Variants in COL14A1 observed in about 807,000 individuals in gnomAD.
The protein encoded by COL14A1 is collagen type XIV alpha 1 chain, also known as collagen alpha-1(XIV) chain.
A neutral mutation model predicts 230.3 loss-of-function variants in COL14A1; 136 were observed. The observed-to-expected ratio is 0.59, with a 90% CI of 0.51 to 0.68. The LOEUF (loss-of-function observed/expected upper bound fraction) is 0.68, where lower values mean the gene tolerates loss of function less well. Ranked by LOEUF, COL14A1 falls within the 30% of genes least tolerant of loss-of-function variation. COL14A1 has a pLI of 0.00. For missense variants in COL14A1, 1,976 were observed against 2,215.8 expected, an observed-to-expected ratio of 0.89 and a Z score of 2.17; for synonymous variants, 792 against 784.1, an observed-to-expected ratio of 1.01 and a Z score of -0.17.
intron 34 of COL14A1, among the ~76,000 whole-genome samples, chr8:120,291,119 A>G (rs1820361777): frequency 6.6e-6 from 1 of 152,172 alleles, no homozygotes; most frequent in Admixed American, 6.5e-5. Context: ...TAAAAAGCAC[A>G]CCATCTTCTG....
chr8:120,198,588 G>A (rs757354009), intron 7 of COL14A1, among the ~76,000 whole-genome samples: 22 of 152,088 alleles, frequency 1.4e-4, no homozygotes, highest in Non-Finnish European at 2.4e-4. Context: ...GCTCATTGAA[G>A]CATTTCAGGT....
chr8:120,227,180 TCAAATAAG>T, intron 16 of COL14A1, 32 bp from the exon 17 acceptor site: 3 of 1,600,618 alleles, frequency 1.9e-6, no homozygotes, highest in Admixed American at 3.5e-5. Context: ...TACTTTTTTT[TCAAATAAG>T]CATAGTTACT....
At chr8:120,160,076 A>G (rs1267515190) in intron 3 of COL14A1, among the ~76,000 whole-genome samples, 2 of 152,130 alleles carry the variant, frequency 1.3e-5, no homozygotes, top group Non-Finnish European at 2.9e-5. Flanking sequence ...CACTTTTCCC[A>G]TGGTGGCGTA....
At chr8:120,370,324 A>G (rs1202489485) in intron 47 of COL14A1, 2 of 1,610,806 alleles carry the variant, frequency 1.2e-6, no homozygotes, top group Non-Finnish European at 1.7e-6. Flanking sequence ...AAATACTCCT[A>G]TCCTTATTAA....
chr8:120,157,358 G>A (rs562994037), intron 2 of COL14A1, among the ~76,000 whole-genome samples: 21 of 152,056 alleles, frequency 1.4e-4, no homozygotes, highest in African/African-American at 2.7e-4. Flanking sequence ...TAATATATCC[G>A]TAATAGCCCT....
intron 21 of COL14A1, among the ~76,000 whole-genome samples, chr8:120,248,330 C>G (rs1360384350): frequency 1.3e-5 from 2 of 152,018 alleles, no homozygotes; most frequent in Admixed American, 1.3e-4. Flanking sequence ...GAAAATGATA[C>G]AAGTAGAAAG....
chr8:120,185,816 AGGCT>A (rs1816633760), intron 5 of COL14A1, among the ~76,000 whole-genome samples: 1 of 152,052 alleles, frequency 6.6e-6, no homozygotes, highest in Non-Finnish European at 1.5e-5. Flanking sequence ...CTTGTTGCCC[AGGCT>A]GCAGTGCAAT....
At chr8:120,295,226 A>G (rs1820488178) in intron 34 of COL14A1, among the ~76,000 whole-genome samples, 1 of 151,926 alleles carries the variant, frequency 6.6e-6, no homozygotes, top group Non-Finnish European at 1.5e-5. Flanking sequence ...ATGTCCCAAG[A>G]CAAAATGGCA....
In COL14A1 at chr8:120,207,011, A is replaced by T; in HGVS notation, c.1108A>T (p.Met370Leu). Residue 370 changes from methionine to leucine, a missense_variant, in exon 10 of 48, where the codon ATG becomes TTG. Met to Leu is a conservative substitution (Grantham distance 15, BLOSUM62 2). Coordinates refer to ENST00000297848, the MANE Select transcript of COL14A1 (RefSeq NM_021110.4). ...ITSEVTARSF[M>L]VNWTHAPGNV... ...TTCTGAAGTCACTGCCAGAAGCTTT[A>T]TGGTTAACTGGACTCATGCCCCAGG... 1 of 1,613,906 alleles carries T rather than the reference A, an allele frequency of 6.2e-7. No homozygotes were observed. Among genetic ancestry groups the T allele is most frequent in the Non-Finnish European group, 8.5e-7 (1 of 1,179,904 alleles).
chr8:120,291,766 C>T (rs1426841385), intron 34 of COL14A1, among the ~76,000 whole-genome samples: 1 of 152,048 alleles, frequency 6.6e-6, no homozygotes, highest in Non-Finnish European at 1.5e-5. Flanking sequence ...CATTCTCCAT[C>T]CTCCATCCCA....
intron 14 of COL14A1, among the ~76,000 whole-genome samples, chr8:120,223,539 G>T (rs907958226): frequency 1.3e-5 from 2 of 152,028 alleles, no homozygotes; most frequent in Non-Finnish European, 2.9e-5. Context: ...ATCTGGTGGC[G>T]CATGCCTGTA....
At chr8:120,231,166 T>C (rs758136417) in intron 18 of COL14A1, among the ~76,000 whole-genome samples, 1 of 152,210 alleles carries the variant, frequency 6.6e-6, no homozygotes, top group Non-Finnish European at 1.5e-5. Context: ...TTCCATGGGC[T>C]GTTTTTCTAG....
At chr8:120,207,184 A>T in intron 10 of COL14A1, 90 bp downstream of exon 10, 1 of 1,116,132 alleles carries the variant, frequency 9.0e-7, no homozygotes. Context: ...TAAATATAAG[A>T]TTATTCCGTC....
intron 1 of COL14A1, among the ~76,000 whole-genome samples, chr8:120,130,883 C>A (rs1468751541): frequency 2.6e-5 from 4 of 151,900 alleles, no homozygotes; most frequent in African/African-American, 9.7e-5. Flanking sequence ...TTTTCCTTCC[C>A]TCGCTATTAG....
chr8:120,165,378 TG>T (rs1053033687), intron 4 of COL14A1, among the ~76,000 whole-genome samples: 2 of 152,202 alleles, frequency 1.3e-5, no homozygotes. Flanking sequence ...TAAGAAATGA[TG>T]TTTGAATTTT....
Position 120,182,086 on chromosome 8 carries a change from G to A in COL14A1, c.436+13839G>A, listed in dbSNP as rs1326276616. ...TGATAAGATAGTTTTGAATAATTCTGACACTTTTCCTCTGGCCTCCAGCAA... is the reference window on the plus strand; with the variant it reads ...TGATAAGATAGTTTTGAATAATTCTAACACTTTTCCTCTGGCCTCCAGCAA... On this transcript the variant is annotated intron_variant, in intron 5 of 47. Coordinates refer to ENST00000297848, the MANE Select transcript of COL14A1 (RefSeq NM_021110.4). Among the ~76,000 whole-genome samples the A allele has an allele frequency of 2.0e-5, 3 of 152,106 alleles. No homozygotes were observed. In the East Asian group the frequency reaches 5.8e-4, roughly 29 times the overall value.
rs1156568233 is a variant in COL14A1 at position 120,283,688 on chromosome 8, C to T, written c.3877C>T (p.Arg1293Trp). The change falls in exon 32 of 48, where the codon CGG becomes TGG. Residue 1293 changes from arginine to tryptophan, a missense_variant. Arg to Trp is a moderately radical substitution (Grantham distance 101, BLOSUM62 -3). Around this residue, in one of 3 missense-constraint regions of COL14A1, gnomAD observed 1,791 missense variants for 2,019.5 expected, o/e 0.89. Coordinates refer to ENST00000297848, the MANE Select transcript of COL14A1 (RefSeq NM_021110.4). Reference protein sequence around the residue: ...PSDYTISFLFRILPDTPQEPF... With the variant: ...PSDYTISFLFWILPDTPQEPF... ...CGACTACACAATCAGTTTTCTATTC[C>T]GGATTCTTCCTGACACTCCACAGGA... 5.0e-6 allele frequency: 8 copies of T among 1,613,538 alleles called. No homozygotes were observed. Among genetic ancestry groups the T allele is most frequent in the Admixed American group, 1.7e-5 (1 of 59,924 alleles).
chr8:120,314,088 A>T, intron 38 of COL14A1, 61 bp downstream of exon 38: 1 of 1,233,874 alleles, frequency 8.1e-7, no homozygotes, highest in Non-Finnish European at 1.2e-6. Context: ...TGAGGTTACA[A>T]AGAATGAACT....
At position 120,326,962 on chromosome 8, in the gene COL14A1, G is replaced by A. The variant is rs142149053; in HGVS notation, c.4660-5179G>A. On this transcript the variant is annotated intron_variant, in intron 40 of 47. Transcript: ENST00000297848. The stretch of plus-strand genomic sequence containing the variant: ...AATTTTTTGAGCCTGGGAGGCGGAG[G>A]TTGCCATGAGCCGAGATTGTGCCAC... 9.7e-4 allele frequency among the ~76,000 whole-genome samples: 148 copies of A among 152,252 alleles called. 1 individual carries two copies. The highest frequency in any genetic ancestry group is 4.3e-3 in the Admixed American group (65 of 15,278).
Sources: gnomAD v4.1 joint callset for allele counts (sites outside exome capture counted in the v4.1 genomes callset) on GRCh38, gnomAD v4.1.1 for gene constraint, gnomAD v4.1.1 regional missense constraint, MANE v1.5 for transcripts, NCBI Gene and HGNC (gene_info 2026-07-23, HGNC 2026-07-21) for gene names.